NXN: variants seen among roughly 807,000 people sequenced by gnomAD.
The protein encoded by NXN is nucleoredoxin 1.
A neutral mutation model predicts 48.6 loss-of-function variants in NXN; 16 were observed. That is an observed-to-expected ratio of 0.33 (90% confidence interval 0.22 to 0.50). The LOEUF (loss-of-function observed/expected upper bound fraction) is 0.50. Ranked by LOEUF, NXN falls within the 20% of genes least tolerant of loss-of-function variation. The probability of loss-of-function intolerance (pLI) is 0.98; values close to 1 mark genes in which losing one functional copy is unlikely to be tolerated. For synonymous variants in NXN, 281 were observed against 269.6 expected (o/e 1.04, Z -0.41); for missense variants, 492 against 605.5 (o/e 0.81, Z 1.97).
At chr17:959,971 A>C (rs1402644880) in intron 1 of NXN, among the ~76,000 whole-genome samples, 1 of 152,050 alleles carries the variant, frequency 6.6e-6, no homozygotes, top group East Asian at 1.9e-4. Flanking sequence ...AGGTGCCTGT[A>C]ATCACAGCTA....
Position 917,598 on chromosome 17 carries a change from GGCTCGATTCCCA to G in NXN, c.360+61709_360+61720del, listed in dbSNP as rs2068701235. 6.6e-6 allele frequency among the ~76,000 whole-genome samples: 1 copy of G among 152,200 alleles called. No individual in the cohort carries two copies. The highest frequency in any genetic ancestry group is 1.5e-5 in the Non-Finnish European group (1 of 68,038). On this transcript the variant is annotated intron_variant, in intron 1 of 7. Coordinates refer to ENST00000336868, the MANE Select transcript of NXN (RefSeq NM_022463.5). This position sits in a 1 kb window ranked among gnomAD's most constrained non-coding sequence, Gnocchi z 4.5. ...TTTGAACTTAGCACTGGTGTCTACA[GGCTCGATTCCCA>G]GCTCTCCCACAAGGACGTGGCTCAG...
At chr17:874,135 G>A (rs748077808) in intron 1 of NXN, among the ~76,000 whole-genome samples, 3 of 152,108 alleles carry the variant, frequency 2.0e-5, no homozygotes, top group African/African-American at 4.8e-5. Context: ...AAGGCCTGAC[G>A]GTTTTATAAG....
rs78029269 is a variant in NXN at position 840,194 on chromosome 17, C to G, written c.361-14116G>C. 6.4e-4 allele frequency among the ~76,000 whole-genome samples: 98 copies of G among 152,202 alleles called. 1 individual carries two copies. The East Asian group carries it at 0.017, about 26-fold the overall frequency. The stretch of plus-strand genomic sequence containing the variant: ...CTGTAACCCCCATTTAGCACCCATG[C>G]CAGCAGCAGGCTCCCATTCTGGTGG... On this transcript the variant is annotated intron_variant, in intron 1 of 7. Transcript: ENST00000336868.
At chr17:936,440 C>G (rs2068908708) in intron 1 of NXN, among the ~76,000 whole-genome samples, 1 of 151,944 alleles carries the variant, frequency 6.6e-6, no homozygotes, top group Non-Finnish European at 1.5e-5. Context: ...CTGCCCAGGT[C>G]AAGCCCATCC....
rs553706959 is a variant in NXN at position 917,577 on chromosome 17, A to T, written c.360+61742T>A. On this transcript the variant is annotated intron_variant, in intron 1 of 7. Transcript: ENST00000336868. This position sits in a 1 kb window ranked among gnomAD's most constrained non-coding sequence, Gnocchi z 4.5. ...ATTTTTTATCTCCACCCACTCTTTG[A>T]ACTTAGCACTGGTGTCTACAGGCTC... 1.3e-5 allele frequency among the ~76,000 whole-genome samples: 2 copies of T among 152,282 alleles called. No individual in the cohort carries two copies. Among genetic ancestry groups the T allele is most frequent in the Admixed American group, 1.3e-4 (2 of 15,302 alleles).
chr17:931,788 TCA>T (rs1567506935), intron 1 of NXN, among the ~76,000 whole-genome samples: 3 of 131,128 alleles, frequency 2.3e-5, no homozygotes, highest in African/African-American at 9.1e-5. Flanking sequence ...TGAGCTGAGA[TCA>T]CGCCACTGCA....
At chr17:863,836 G>A (rs185796047) in intron 1 of NXN, 8 of 838,884 alleles carry the variant, frequency 9.5e-6, no homozygotes, top group South Asian at 3.3e-5. Flanking sequence ...TCAAATCCAC[G>A]TCATTCAAGG....
intron 1 of NXN, among the ~76,000 whole-genome samples, chr17:878,978 A>G (rs933128243): frequency 2.6e-5 from 4 of 152,112 alleles, no homozygotes; most frequent in Non-Finnish European, 5.9e-5. Context: ...CAGCCTGACC[A>G]ACATGGCGAA....
At chr17:977,530 T>C (rs1320965510) in intron 1 of NXN, among the ~76,000 whole-genome samples, 1 of 152,250 alleles carries the variant, frequency 6.6e-6, no homozygotes, top group Non-Finnish European at 1.5e-5. Context: ...TTGCAAAACA[T>C]CTGTTTGCTC....
At chr17:867,510 T>C (rs540099347) in intron 1 of NXN, among the ~76,000 whole-genome samples, 5 of 152,254 alleles carry the variant, frequency 3.3e-5, no homozygotes, top group Non-Finnish European at 7.3e-5. Flanking sequence ...AGCAAAACTA[T>C]GTAGCTAAAT....
At chr17:943,083 G>A (rs541140540) in intron 1 of NXN, among the ~76,000 whole-genome samples, 1 of 152,334 alleles carries the variant, frequency 6.6e-6, no homozygotes, top group South Asian at 2.1e-4. Flanking sequence ...GGGTGGCCCG[G>A]CACTAGACCC....
At chr17:966,378 G>A (rs892462511) in intron 1 of NXN, among the ~76,000 whole-genome samples, 2 of 151,318 alleles carry the variant, frequency 1.3e-5, no homozygotes, top group Non-Finnish European at 2.9e-5. Flanking sequence ...ATGGAGTTTC[G>A]CTCTTGTTAC....
At position 849,192 on chromosome 17, in the gene NXN, C is replaced by T. The variant is rs950079818; in HGVS notation, c.361-23114G>A. Among the ~76,000 whole-genome samples the T allele has an allele frequency of 1.4e-4, 21 of 152,256 alleles. No homozygotes were observed. The highest frequency in any genetic ancestry group is 5.1e-4 in the African/African-American group (21 of 41,560). On this transcript the variant is annotated intron_variant, in intron 1 of 7. Coordinates refer to ENST00000336868, the MANE Select transcript of NXN (RefSeq NM_022463.5). This position sits in a 1 kb window ranked among gnomAD's most constrained non-coding sequence, Gnocchi z 4.2. ...CGCTTGATCTAAGACCAATCACGCTCTCTCCTGGAAGTTCAGAAAGTGGAT... is the reference window on the plus strand; with the variant it reads ...CGCTTGATCTAAGACCAATCACGCTTTCTCCTGGAAGTTCAGAAAGTGGAT...
At chr17:852,624 CAG>C (rs1346454673) in intron 1 of NXN, among the ~76,000 whole-genome samples, 1 of 152,146 alleles carries the variant, frequency 6.6e-6, no homozygotes, top group Non-Finnish European at 1.5e-5. Flanking sequence ...GGATATGGAG[CAG>C]AAAGTAGGGC....
In NXN at chr17:830,181, G is replaced by C. The variant is rs897128589; in HGVS notation, c.361-4103C>G. Among the ~76,000 whole-genome samples, 1 of 152,160 alleles carries C rather than the reference G, an allele frequency of 6.6e-6. No individual in the cohort carries two copies. The highest frequency in any genetic ancestry group is 1.5e-5 in the Non-Finnish European group (1 of 68,026). The stretch of plus-strand genomic sequence containing the variant: ...CTTTCCCCGCTATGTTTTGTAACTG[G>C]TAAGAGCTGAAAGTGATTCAGCAGA... On this transcript the variant is annotated intron_variant, in intron 1 of 7. Transcript: ENST00000336868. This position sits in a 1 kb window ranked among gnomAD's most constrained non-coding sequence, Gnocchi z 4.2.
rs61460984 is a variant in NXN at position 825,168 on chromosome 17, G to T, written c.478+793C>A. 0.17 allele frequency among the ~76,000 whole-genome samples: 25,219 copies of T among 150,192 alleles called. 2,171 individuals are homozygous for T. Among genetic ancestry groups the T allele is most frequent in the Non-Finnish European group, 0.18 (11,865 of 67,722 alleles). On this transcript the variant is annotated intron_variant, in intron 2 of 7. Transcript: ENST00000336868. This position sits in a 1 kb window ranked among gnomAD's most constrained non-coding sequence, Gnocchi z 4.1. ...AGGAGGTCGAGGCTGCAGTGAACCG[G>T]GATCATGCCACAGCACTCGGCCTGG...
At chr17:968,195 C>T (rs1458615961) in intron 1 of NXN, among the ~76,000 whole-genome samples, 1 of 152,102 alleles carries the variant, frequency 6.6e-6, no homozygotes, top group East Asian at 1.9e-4. Flanking sequence ...GAGTTGATGA[C>T]TGTTGAATGT....
chr17:935,801 C>T (rs1031764554), intron 1 of NXN, among the ~76,000 whole-genome samples: 22 of 152,022 alleles, frequency 1.4e-4, no homozygotes, highest in Admixed American at 3.3e-4. Flanking sequence ...GGAATAAAAC[C>T]TGCAGCCTAG....
At chr17:862,120 C>T (rs1021037815) in intron 1 of NXN, among the ~76,000 whole-genome samples, 4 of 152,036 alleles carry the variant, frequency 2.6e-5, no homozygotes, top group South Asian at 2.1e-4. Context: ...CGTGAGCCAC[C>T]GTGTTCAGCC....
Sources: allele counts gnomAD v4.1 joint callset (sites outside exome capture counted in the v4.1 genomes callset), GRCh38; gene constraint gnomAD v4.1.1; non-coding constraint Gnocchi (gnomAD v3.1); transcripts MANE v1.5; gene names NCBI Gene and HGNC (gene_info 2026-07-23, HGNC 2026-07-21).